POR: variants seen among roughly 807,000 people sequenced by gnomAD.
POR encodes NADPH--cytochrome P450 reductase.
A neutral mutation model predicts 84.0 loss-of-function variants in POR; 56 were observed. The observed-to-expected ratio is 0.67, with a 90% confidence interval of 0.54 to 0.83. The LOEUF (loss-of-function observed/expected upper bound fraction) is 0.83. Ranked by LOEUF, POR falls within the 40% of genes least tolerant of loss-of-function variation. The pLI is 0.00. For missense variants in POR, 938 were observed against 944.3 expected (o/e 0.99, Z 0.09); for synonymous variants, 414 against 400.5 (o/e 1.03, Z -0.40).
chr7:75,970,567 C>T (rs559374412), intron 2 of POR, among the ~76,000 whole-genome samples: 2 of 151,406 alleles, frequency 1.3e-5, no homozygotes, highest in South Asian at 4.2e-4. Context: ...CCAGGCTGGT[C>T]TCAAACTGGC....
chr7:75,962,552 C>G (rs1554554654), intron 2 of POR, among the ~76,000 whole-genome samples: 2 of 152,194 alleles, frequency 1.3e-5, no homozygotes, highest in Non-Finnish European at 2.9e-5. Context: ...ATCCTCTTGC[C>G]TCAGCCTCCC....
chr7:75,958,180 G>A (rs536312980), intron 2 of POR, among the ~76,000 whole-genome samples: 5 of 152,250 alleles, frequency 3.3e-5, no homozygotes, highest in Admixed American at 2.6e-4. Flanking sequence ...ACGCTGGCAC[G>A]ATCTCGGCTC....
At chr7:75,946,933 G>A (rs1787199530) in intron 1 of POR, 1 of 152,206 alleles carries the variant, frequency 6.6e-6, no homozygotes, top group Admixed American at 6.5e-5. Flanking sequence ...GCATAGCAGA[G>A]GTGGCTCCCA....
chr7:75,960,649 G>GC (rs1554554378), intron 2 of POR, among the ~76,000 whole-genome samples: 37 of 152,194 alleles, frequency 2.4e-4, no homozygotes, highest in African/African-American at 8.7e-4. Context: ...TCTCCTGTGG[G>GC]CCTGGCAGCT....
chr7:75,931,015 G>A lies in POR; in HGVS notation c.-5+15836G>A, dbSNP rs114106872. On this transcript the variant is annotated intron_variant, in intron 1 of 15. Coordinates refer to ENST00000461988, the MANE Select transcript of POR (RefSeq NM_000941.3). ...TTTTTTAATTTTCTGTAGAGATGGC[G>A]TTTCACTATGTTACCCAGGCTGGTC... Among the ~76,000 whole-genome samples the A allele has an allele frequency of 4.3e-3, 654 of 151,904 alleles. 5 individuals are homozygous for A. The highest frequency in any genetic ancestry group is 0.013 in the African/African-American group (541 of 41,392).
intron 2 of POR, among the ~76,000 whole-genome samples, chr7:75,966,955 C>A (rs1313432559): frequency 6.6e-6 from 1 of 152,110 alleles, no homozygotes; most frequent in Non-Finnish European, 1.5e-5. Flanking sequence ...ACGGCTGGAG[C>A]CTTGGGCTTT....
intron 6 of POR, 126 bp from the exon 7 acceptor site, chr7:75,981,391 T>G (rs1789032790): frequency 8.4e-7 from 1 of 1,192,224 alleles, no homozygotes; most frequent in African/African-American, 1.5e-5. Flanking sequence ...TTTATGTCGC[T>G]GGGTGCCCCA....
In POR at chr7:75,981,139, T is replaced by C. The variant is rs1554557761; in HGVS notation, c.608T>C (p.Ile203Thr). The stretch of plus-strand genomic sequence containing the variant: ...CTGGAGCAGCTCGGCGCCCAGCGCA[T>C]CTTTGAGCTGGGGTTGGGCGACGAC... The change falls in exon 6 of 16, where the codon ATC becomes ACC. Residue 203 changes from isoleucine to threonine, a missense_variant. Coordinates refer to ENST00000461988, the MANE Select transcript of POR (RefSeq NM_000941.3). 6.4e-7 allele frequency: 1 copy of C among 1,555,116 alleles called. No individual in the cohort carries two copies. The highest frequency in any genetic ancestry group is 8.7e-7 in the Non-Finnish European group (1 of 1,150,226).
chr7:75,928,925 A>G (rs1327109787), intron 1 of POR, among the ~76,000 whole-genome samples: 1 of 152,098 alleles, frequency 6.6e-6, no homozygotes, highest in African/African-American at 2.4e-5. Flanking sequence ...TTAAGCCCTC[A>G]GTCTAAAGGA....
intron 1 of POR, among the ~76,000 whole-genome samples, chr7:75,933,005 A>G (rs1202176092): frequency 3.3e-5 from 5 of 151,516 alleles, no homozygotes; most frequent in African/African-American, 1.2e-4. Flanking sequence ...CTGGGCAACA[A>G]CAGAGCGAGA....
At chr7:75,945,553 T>A (rs1441272356) in intron 1 of POR, among the ~76,000 whole-genome samples, 1 of 152,072 alleles carries the variant, frequency 6.6e-6, no homozygotes, top group African/African-American at 2.4e-5. Flanking sequence ...TACCTCTCAG[T>A]CCCTGTGGGT....
At chr7:75,961,225 CAA>C (rs11412145) in intron 2 of POR, among the ~76,000 whole-genome samples, 3 of 121,210 alleles carry the variant, frequency 2.5e-5, no homozygotes, top group Admixed American at 8.7e-5. Context: ...GAAGTGAGAC[CAA>C]AAAAAAAAAG....
At chr7:75,918,077 C>T (rs891862191) in intron 1 of POR, among the ~76,000 whole-genome samples, 2 of 152,118 alleles carry the variant, frequency 1.3e-5, no homozygotes, top group Non-Finnish European at 2.9e-5. Flanking sequence ...GAGGCCGAGG[C>T]AGGCAGATCA....
At chr7:75,920,757 T>C (rs782769305) in intron 1 of POR, among the ~76,000 whole-genome samples, 6 of 152,130 alleles carry the variant, frequency 3.9e-5, no homozygotes, top group Non-Finnish European at 5.9e-5. Context: ...ACACGTGAAC[T>C]ACGGTCACCT....
At chr7:75,945,366 C>G (rs1166753898) in intron 1 of POR, 1 of 152,178 alleles carries the variant, frequency 6.6e-6, no homozygotes, top group Non-Finnish European at 1.5e-5. Flanking sequence ...TCTACAGATT[C>G]AAGAAACTGA....
At chr7:75,979,695 G>A (rs529309252) in intron 4 of POR, 116 bp downstream of exon 4, 350 of 1,415,170 alleles carry the variant, frequency 2.5e-4, no homozygotes, top group Non-Finnish European at 3.1e-4. Context: ...CTGGGAAGAC[G>A]TCCTCGGAAG....
Position 75,981,035 on chromosome 7 carries a change from T to C in POR, c.517-13T>C, listed in dbSNP as rs1788989852. The C allele has an allele frequency of 1.3e-6, 2 of 1,555,848 alleles. No homozygotes were observed. The highest frequency in any genetic ancestry group is 1.4e-5 in the African/African-American group (1 of 73,526). On this transcript the variant is annotated splice_polypyrimidine_tract_variant and intron_variant, in intron 5 of 15. Transcript: ENST00000461988. ...GAGGGCCAGGCCTCAGAGCGGCCCC[T>C]GTGTCCACGCAGGTGTTTGGTCTTG...
At chr7:75,935,555 G>A (rs10234665) in intron 1 of POR, among the ~76,000 whole-genome samples, 2,417 of 151,236 alleles carry the variant, frequency 0.016, 69 homozygotes, top group African/African-American at 0.056. Context: ...TGGAGGGACC[G>A]GTTTTTTAAT....
intron 1 of POR, among the ~76,000 whole-genome samples, chr7:75,947,454 C>G (rs1384545099): frequency 1.3e-5 from 2 of 151,992 alleles, no homozygotes; most frequent in Admixed American, 6.6e-5. Context: ...AGCACCACGC[C>G]CAGCTAATTT....
Sources: allele counts gnomAD v4.1 joint callset (sites outside exome capture counted in the v4.1 genomes callset), GRCh38; gene constraint gnomAD v4.1.1; transcripts MANE v1.5; gene names NCBI Gene and HGNC (gene_info 2026-07-23, HGNC 2026-07-21).